Variants in SOD2 observed in about 807,000 individuals in gnomAD.
The protein encoded by SOD2 is superoxide dismutase 2, also known as superoxide dismutase [Mn], mitochondrial.
A neutral mutation model predicts 27.0 loss-of-function variants in SOD2; 11 were observed. The observed-to-expected ratio is 0.41, with a 90% CI of 0.26 to 0.67. SOD2 has a LOEUF of 0.67. Ranked by LOEUF, SOD2 falls within the 30% of genes least tolerant of loss-of-function variation. SOD2 has a pLI of 0.34. For synonymous variants in SOD2, 105 were observed against 103.0 expected (o/e 1.02, Z -0.12); for missense variants, 250 against 274.5 (o/e 0.91, Z 0.63).
intron 3 of SOD2, among the ~76,000 whole-genome samples, chr6:159,687,186 AG>A (rs1780230949): frequency 6.6e-6 from 1 of 152,216 alleles, no homozygotes; most frequent in African/African-American, 2.4e-5. Context: ...ACTAGTAGAC[AG>A]AAAGTTCATC....
intron 1 of SOD2, 73 bp downstream of exon 1, chr6:159,693,072 A>C (rs1777309855): frequency 6.6e-7 from 1 of 1,506,034 alleles, no homozygotes; most frequent in East Asian, 2.8e-5. Flanking sequence ...CACTGTCGCC[A>C]TTGCCGCGGA....
upstream of SOD2, chr6:159,749,314 T>C (rs1467590882): frequency 3.0e-6 from 3 of 985,746 alleles, no homozygotes; most frequent in African/African-American, 3.5e-5. Flanking sequence ...AACAGGCACA[T>C]GTTTAAAAGA....
At chr6:159,752,965 G>A (rs1388837204) in intron 1 of SOD2, among the ~76,000 whole-genome samples, 1 of 152,158 alleles carries the variant, frequency 6.6e-6, no homozygotes, top group Non-Finnish European at 1.5e-5. Context: ...TCCTGTTAAG[G>A]AAAATCCTTA....
chr6:159,732,093 C>A (rs1778607201), upstream of SOD2, among the ~76,000 whole-genome samples: 3 of 152,142 alleles, frequency 2.0e-5, no homozygotes, highest in African/African-American at 7.2e-5. Context: ...CTGCCCTTTG[C>A]ATACTCAGGT....
intron 3 of SOD2, among the ~76,000 whole-genome samples, chr6:159,687,819 C>T (rs1780262324): frequency 6.6e-6 from 1 of 152,002 alleles, no homozygotes; most frequent in East Asian, 1.9e-4. Context: ...CCAGCCTGGC[C>T]AACATGGTGA....
At chr6:159,727,566 G>T, upstream of SOD2, 1 of 988,514 alleles carries the variant, frequency 1.0e-6, no homozygotes, top group South Asian at 4.5e-5. Flanking sequence ...CAGGGGTTGC[G>T]GCGGGACTAG....
intron 1 of SOD2, chr6:159,726,796 T>C: frequency 7.8e-7 from 1 of 1,289,228 alleles, no homozygotes; most frequent in Non-Finnish European, 1.0e-6. Context: ...GCCAGGAGAC[T>C]GCGCCTCACG....
At chr6:159,738,284 C>T (rs1165420810) in intron 1 of SOD2, among the ~76,000 whole-genome samples, 1 of 152,220 alleles carries the variant, frequency 6.6e-6, no homozygotes, top group Non-Finnish European at 1.5e-5. Context: ...AATTTATCTC[C>T]ATTTGTATAA....
At chr6:159,751,652 C>CGTGA (rs1779825243) in intron 1 of SOD2, among the ~76,000 whole-genome samples, 1 of 152,240 alleles carries the variant, frequency 6.6e-6, no homozygotes, top group African/African-American at 2.4e-5. Flanking sequence ...TTACCACATG[C>CGTGA]TCACTGGTGG....
chr6:159,689,697 C>T (rs1335631068), intron 2 of SOD2, among the ~76,000 whole-genome samples: 8 of 152,174 alleles, frequency 5.3e-5, no homozygotes, highest in South Asian at 2.1e-4. Flanking sequence ...CGGTGGCTCA[C>T]GCCTGTAATC....
At chr6:159,728,361 C>A (rs1036785998), upstream of SOD2, among the ~76,000 whole-genome samples, 1 of 151,764 alleles carries the variant, frequency 6.6e-6, no homozygotes, top group Non-Finnish European at 1.5e-5. Flanking sequence ...GTTGTTTGAT[C>A]CCAAAGGATT....
At chr6:159,710,757 A>G (rs762796109) in intron 1 of SOD2, among the ~76,000 whole-genome samples, 20 of 139,936 alleles carry the variant, frequency 1.4e-4, no homozygotes, top group South Asian at 2.4e-4. Flanking sequence ...CACCACTCAT[A>G]CTGCTCTGAC....
At chr6:159,703,521 G>A (rs1777564977) in intron 1 of SOD2, among the ~76,000 whole-genome samples, 2 of 151,452 alleles carry the variant, frequency 1.3e-5, no homozygotes, top group Non-Finnish European at 2.9e-5. Flanking sequence ...ATGACATGAC[G>A]AAACTCCTAA....
At chr6:159,742,031 G>A in intron 1 of SOD2, 1 of 1,253,856 alleles carries the variant, frequency 8.0e-7, no homozygotes. Context: ...ATATCTTCTA[G>A]TTTATTTAAT....
At chr6:159,720,895 C>T (rs930945958) in intron 1 of SOD2, among the ~76,000 whole-genome samples, 3 of 88,600 alleles carry the variant, frequency 3.4e-5, no homozygotes, top group African/African-American at 4.2e-5. Context: ...CTTGTTGTGT[C>T]GCCCAGGCTG....
chr6:159,728,666 G>A (rs188838242), upstream of SOD2, among the ~76,000 whole-genome samples: 41 of 152,300 alleles, frequency 2.7e-4, no homozygotes, highest in Middle Eastern at 3.4e-3. Context: ...AAAACTATGA[G>A]CGAAAAATCT....
intron 1 of SOD2, among the ~76,000 whole-genome samples, chr6:159,734,133 C>G (rs1013601469): frequency 6.6e-6 from 1 of 152,054 alleles, no homozygotes; most frequent in East Asian, 1.9e-4. Flanking sequence ...TGAGGAATCT[C>G]AAAATCAAGT....
intron 1 of SOD2, among the ~76,000 whole-genome samples, chr6:159,734,223 G>T (rs556468120): frequency 6.6e-6 from 1 of 151,646 alleles, no homozygotes; most frequent in Non-Finnish European, 1.5e-5. Flanking sequence ...CACATTGCCC[G>T]GGCTCGGTTC....
chr6:159,724,329 TCA>T (rs936726090), intron 1 of SOD2, among the ~76,000 whole-genome samples: 3 of 152,178 alleles, frequency 2.0e-5, no homozygotes, highest in Non-Finnish European at 4.4e-5. Context: ...TCTCATTCTC[TCA>T]CACACTGCAC....
Sources: allele counts gnomAD v4.1 joint callset (sites outside exome capture counted in the v4.1 genomes callset), GRCh38; gene constraint gnomAD v4.1.1; transcripts MANE v1.5; gene names NCBI Gene and HGNC (gene_info 2026-07-23, HGNC 2026-07-21).